The following TNC variants were observed in gnomAD, a reference collection of about 807,000 sequenced individuals.
TNC encodes tenascin.
In TNC, 109 loss-of-function variants were observed where a neutral mutation model predicts 202.4. The observed-to-expected ratio is 0.54, with a 90% CI of 0.46 to 0.63. The LOEUF (loss-of-function observed/expected upper bound fraction) is 0.63, where lower values mean the gene tolerates loss of function less well. TNC is among the 30% of genes least tolerant of loss of function. The probability of loss-of-function intolerance (pLI) is 0.00; values close to 1 mark genes in which losing one functional copy is unlikely to be tolerated. For synonymous variants in TNC, 1,007 were observed against 1,089.7 expected, an observed-to-expected ratio of 0.92 and a Z score of 1.50; for missense variants, 2,756 against 2,833.3, an observed-to-expected ratio of 0.97 and a Z score of 0.62.
intron 13 of TNC, among the ~76,000 whole-genome samples, chr9:115,062,081 T>G (rs947607726): frequency 2.0e-5 from 3 of 152,342 alleles, no homozygotes; most frequent in South Asian, 4.1e-4. Flanking sequence ...TCTAGAAAGT[T>G]CTGATCTTAT....
intron 1 of TNC, among the ~76,000 whole-genome samples, chr9:115,103,579 A>T (rs946270956): frequency 1.3e-5 from 2 of 152,236 alleles, no homozygotes; most frequent in African/African-American, 4.8e-5. Context: ...GGCAAGTCGC[A>T]TCCACTCTTG....
At chr9:115,030,200 C>T (rs1456310025) in intron 24 of TNC, 54 bp downstream of exon 24, 4 of 1,535,394 alleles carry the variant, frequency 2.6e-6, no homozygotes, top group Non-Finnish European at 3.5e-6. Flanking sequence ...CCCTGCTTTG[C>T]CCTCTCCCTC....
chr9:115,039,286 C>A (rs1830562059), intron 19 of TNC, among the ~76,000 whole-genome samples: 1 of 152,214 alleles, frequency 6.6e-6, no homozygotes, highest in African/African-American at 2.4e-5. Flanking sequence ...CTCCAAACTT[C>A]ACTTTCTTCA....
intron 1 of TNC, among the ~76,000 whole-genome samples, chr9:115,093,600 C>T (rs1213026063): frequency 4.6e-5 from 7 of 151,908 alleles, no homozygotes; most frequent in African/African-American, 1.7e-4. Context: ...CTTTCCTACC[C>T]CTTTTCCATC....
intron 20 of TNC, among the ~76,000 whole-genome samples, chr9:115,037,253 C>G (rs530213841): frequency 1.3e-5 from 2 of 152,310 alleles, no homozygotes; most frequent in Admixed American, 1.3e-4. Flanking sequence ...CATATTGTCA[C>G]TGAGAGCAAA....
Position 115,086,241 on chromosome 9 carries a change from CG to C in TNC, c.1489del (p.Arg497GlyfsTer47). 6.2e-7 allele frequency: 1 copy of C among 1,614,198 alleles called. No homozygotes were observed. On this transcript the variant is annotated frameshift_variant, in exon 3 of 28. Transcript: ENST00000350763. LOFTEE classifies it high-confidence loss of function. Reference protein sequence around the residue: ...CDDGYTGEDCRDRQCPRDCSN... With the variant: ...CDDGYTGEDCXDRQCPRDCSN... ...GCAGTCCCTGGGGCATTGGCGATCC[CG>C]GCAGTCTTCCCCTGTGTAGCCGTCA... is the stretch of plus-strand genomic sequence containing the variant.
intron 17 of TNC, among the ~76,000 whole-genome samples, chr9:115,044,399 ACAC>A (rs1831015723): frequency 6.6e-6 from 1 of 151,342 alleles, no homozygotes; most frequent in African/African-American, 2.4e-5. Context: ...ACACACACAC[ACAC>A]ACACACACAC....
At chr9:115,033,751 T>C (rs1204670248) in intron 22 of TNC, among the ~76,000 whole-genome samples, 1 of 152,158 alleles carries the variant, frequency 6.6e-6, no homozygotes, top group East Asian at 1.9e-4. Context: ...AGCAAGAGAA[T>C]GTAAGGTATA....
At chr9:115,076,679 A>T in intron 7 of TNC, 104 bp from the exon 8 acceptor site, 3 of 1,292,490 alleles carry the variant, frequency 2.3e-6, no homozygotes, top group Non-Finnish European at 3.2e-6. Context: ...AACTGGAGAG[A>T]AATTACAAAA....
chr9:115,053,624 G>A (rs1263900585), intron 15 of TNC, among the ~76,000 whole-genome samples: 1 of 152,166 alleles, frequency 6.6e-6, no homozygotes, highest in Non-Finnish European at 1.5e-5. Flanking sequence ...GTGTTCCATT[G>A]AACATGTTTT....
chr9:115,113,999 C>T lies in TNC; in HGVS notation c.-137+3983G>A, dbSNP rs141076153. ...CCAGGATTAGAATCAGGTTGGTTTG[C>T]AGACTTTTCTCCTTTACAGAGAAGT... On this transcript the variant is annotated intron_variant, in intron 1 of 27. Transcript: ENST00000350763. Among the ~76,000 whole-genome samples the T allele has an allele frequency of 1.8e-3, 274 of 152,258 alleles. 1 individual carries two copies. The highest frequency in any genetic ancestry group is 6.2e-3 in the African/African-American group (256 of 41,564).
rs140343888 is a variant in TNC at position 115,076,516 on chromosome 9, C to G, written c.2734G>C (p.Glu912Gln). 5.6e-6 allele frequency: 9 copies of G among 1,614,082 alleles called. No individual in the cohort carries two copies. The African/African-American group carries it at 8.0e-5, about 14-fold the overall frequency. ...VSQTDNSITL[E>Q]WRNGKAAIDS... is the part of the protein sequence containing the mutation. Reference sequence around the variant, plus strand: ...ATAGCTGCCTTGCCATTCCTCCATTCCAGGGTGATGCTGTTATCTGTCTGG... The same window carrying G: ...ATAGCTGCCTTGCCATTCCTCCATTGCAGGGTGATGCTGTTATCTGTCTGG... Residue 912 changes from glutamate to glutamine, a missense_variant, in exon 8 of 28, where the codon GAA (glutamate) becomes CAA (glutamine). By Grantham distance (29) the Glu-to-Gln change is conservative. Coordinates refer to ENST00000350763, the MANE Select transcript of TNC (RefSeq NM_002160.4).
Position 115,035,184 on chromosome 9 carries a change from T to A in TNC, c.5787+20A>T. ...AAATGCTTCAACTAGCATTGAGGAG[T>A]TGTTATATACTTAAAATACCTTGAC... On this transcript the variant is annotated intron_variant, in intron 22 of 27. Transcript: ENST00000350763. The A allele has an allele frequency of 1.3e-6, 2 of 1,582,462 alleles. No individual in the cohort carries two copies. Among genetic ancestry groups the A allele is most frequent in the African/African-American group, 2.7e-5 (2 of 73,042 alleles).
intron 7 of TNC, 22 bp from the exon 8 acceptor site, chr9:115,076,597 T>C: frequency 1.9e-6 from 3 of 1,612,700 alleles, no homozygotes; most frequent in Non-Finnish European, 2.5e-6. Flanking sequence ...AAGGAACATT[T>C]GTATTGAACA....
chr9:115,034,870 G>C (rs1380245964), intron 22 of TNC, among the ~76,000 whole-genome samples: 1 of 152,190 alleles, frequency 6.6e-6, no homozygotes, highest in Non-Finnish European at 1.5e-5. Context: ...CCATCTGTGA[G>C]ATAATACATA....
chr9:115,095,999 G>A (rs1259432241), intron 1 of TNC, among the ~76,000 whole-genome samples: 2 of 152,108 alleles, frequency 1.3e-5, no homozygotes, highest in Non-Finnish European at 2.9e-5. Flanking sequence ...AGCTAAGCAT[G>A]TTGTGCTGCT....
Position 115,046,423 on chromosome 9 carries a change from A to G in TNC, c.5112T>C (p.Ala1704=). The G allele has an allele frequency of 6.2e-7, 1 of 1,614,096 alleles. No individual in the cohort carries two copies. The highest frequency in any genetic ancestry group is 8.5e-7 in the Non-Finnish European group (1 of 1,179,950). ...TATTTACAGTACCTGTTGTTGCTAT[A>G]GCACTGACTGTCTGGGATCGCCTTC... ...SKGRRSQTVS[A]IATTAMGSPK... is the part of the protein sequence containing the mutation. Residue 1704 remains alanine (A), a synonymous_variant, in exon 17 of 28, where the codon GCT becomes GCC. Coordinates refer to ENST00000350763, the MANE Select transcript of TNC (RefSeq NM_002160.4).
intron 15 of TNC, chr9:115,053,039 A>G (rs1471244911): frequency 2.9e-6 from 2 of 689,210 alleles, no homozygotes; most frequent in African/African-American, 1.8e-5. Flanking sequence ...ATGGGCAGAG[A>G]GAAAGAGAGA....
intron 21 of TNC, 27 bp from the exon 22 acceptor site, chr9:115,035,361 G>T (rs764582163): frequency 1.3e-6 from 2 of 1,593,090 alleles, no homozygotes; most frequent in East Asian, 2.3e-5. Flanking sequence ...GATTAATATC[G>T]GATAAGATCA....
Sources: allele counts gnomAD v4.1 joint callset (sites outside exome capture counted in the v4.1 genomes callset), GRCh38; gene constraint gnomAD v4.1.1; transcripts MANE v1.5; gene names NCBI Gene and HGNC (gene_info 2026-07-23, HGNC 2026-07-21).